CELF2: variants seen among roughly 807,000 people sequenced by gnomAD.
The protein encoded by CELF2 is CUG triplet repeat RNA-binding protein 2.
CELF2 carries 8 observed loss-of-function variants against 62.6 expected under a neutral mutation model. That is an observed-to-expected ratio of 0.13 (90% CI 0.07 to 0.23). The LOEUF (loss-of-function observed/expected upper bound fraction) is 0.23, where lower values mean the gene tolerates loss of function less well. CELF2 is among the 10% of genes least tolerant of loss of function. CELF2 has a pLI of 1.00. For missense variants in CELF2, 333 were observed against 671.0 expected, an observed-to-expected ratio of 0.50 and a Z score of 5.56; for synonymous variants, 258 against 250.0, an observed-to-expected ratio of 1.03 and a Z score of -0.30.
At chr10:10,826,162 T>C (rs1349872652) in intron 1 of CELF2, among the ~76,000 whole-genome samples, 1 of 152,096 alleles carries the variant, frequency 6.6e-6, no homozygotes, top group East Asian at 1.9e-4. Flanking sequence ...TAATAGTGAT[T>C]GGATGGGGCA....
the CELF2 span, among the ~76,000 whole-genome samples, chr10:10,511,226 AT>A: frequency 5.3e-5 from 8 of 152,276 alleles, no homozygotes; most frequent in African/African-American, 1.9e-4. Context: ...CCTGGCAAAA[AT>A]GGCAAAACTC....
intron 2 of CELF2, among the ~76,000 whole-genome samples, chr10:10,941,906 AT>A (rs1294811474): frequency 6.6e-6 from 1 of 151,458 alleles, no homozygotes; most frequent in Non-Finnish European, 1.5e-5. Flanking sequence ...GGGCAGAAGA[AT>A]TGATTGAACC....
chr10:11,153,374 A>G (rs2132775989), intron 1 of CELF2, among the ~76,000 whole-genome samples: 1 of 152,274 alleles, frequency 6.6e-6, no homozygotes, highest in South Asian at 2.1e-4. Flanking sequence ...TTTATCTTAT[A>G]ATTTTCTAGA....
At chr10:10,605,398 G>A in the CELF2 span, among the ~76,000 whole-genome samples, 1 of 152,156 alleles carries the variant, frequency 6.6e-6, no homozygotes, top group African/African-American at 2.4e-5. Context: ...TAACAAACCT[G>A]TACATCCTGC....
the CELF2 span, among the ~76,000 whole-genome samples, chr10:10,750,173 G>T: frequency 0.13 from 19,941 of 151,958 alleles, 1,540 homozygotes; most frequent in East Asian, 0.27. Flanking sequence ...TCCCAGCTAC[G>T]CAGGAGGCTG....
In CELF2 at chr10:11,008,554, A is replaced by G. The variant is rs968056258; in HGVS notation, c.53+3114A>G. The stretch of plus-strand genomic sequence containing the variant: ...ATTGTGCTAGAAGACCGAGGAAGTC[A>G]TTCAAAGAGTGAATCAATACTAATT... On this transcript the variant is annotated intron_variant, in intron 1 of 12. Coordinates refer to the CELF2 transcript ENST00000416382. This position sits in a 1 kb window ranked among gnomAD's most constrained non-coding sequence, Gnocchi z 4.5. Among the ~76,000 whole-genome samples, 1 of 152,244 alleles carries G rather than the reference A, an allele frequency of 6.6e-6. No homozygotes were observed. The highest frequency in any genetic ancestry group is 1.9e-4 in the East Asian group (1 of 5,202).
chr10:11,001,182 C>G (rs2054484221), upstream of CELF2, among the ~76,000 whole-genome samples: 1 of 152,310 alleles, frequency 6.6e-6, no homozygotes, highest in Non-Finnish European at 1.5e-5. Context: ...TTTCCATCTT[C>G]CAGAGCAATA....
chr10:10,874,299 C>T (rs1296387203), intron 1 of CELF2, among the ~76,000 whole-genome samples: 1 of 152,098 alleles, frequency 6.6e-6, no homozygotes, highest in African/African-American at 2.4e-5. Flanking sequence ...GCCTGAGTGA[C>T]TTGAGTAGTG....
At chr10:11,000,161 G>C (rs2054375448) in intron 2 of CELF2, among the ~76,000 whole-genome samples, 1 of 134,144 alleles carries the variant, frequency 7.5e-6, no homozygotes, top group Non-Finnish European at 1.7e-5. Flanking sequence ...GTTTTTGATT[G>C]TTTGTTTGTT....
At chr10:11,197,025 A>AAGGAAGG (rs1554936316) in intron 2 of CELF2, among the ~76,000 whole-genome samples, 1 of 26,124 alleles carries the variant, frequency 3.8e-5, no homozygotes, top group African/African-American at 1.8e-4. Flanking sequence ...AGAAAGAAAG[A>AAGGAAGG]AAAGAAAGAA....
At chr10:10,579,514 C>A in the CELF2 span, among the ~76,000 whole-genome samples, 2 of 151,890 alleles carry the variant, frequency 1.3e-5, no homozygotes, top group African/African-American at 2.4e-5. Flanking sequence ...GACCTTAGAC[C>A]CCCGGGCTGT....
At chr10:11,142,073 C>T (rs892229738) in intron 1 of CELF2, among the ~76,000 whole-genome samples, 3 of 152,180 alleles carry the variant, frequency 2.0e-5, no homozygotes, top group African/African-American at 7.2e-5. Flanking sequence ...ATACCTTAAC[C>T]AGGTAGCTGC....
At position 10,931,264 on chromosome 10, in the gene CELF2, A is replaced by G. The variant is rs1227609222; in HGVS notation, c.89+11265A>G. Among the ~76,000 whole-genome samples the G allele has an allele frequency of 1.3e-5, 2 of 152,218 alleles. No individual in the cohort carries two copies. The highest frequency in any genetic ancestry group is 4.8e-5 in the African/African-American group (2 of 41,444). On this transcript the variant is annotated intron_variant, in intron 2 of 13. Transcript: ENST00000636488. This position sits in a 1 kb window ranked among gnomAD's most constrained non-coding sequence, Gnocchi z 6.1. Reference sequence around the variant, plus strand: ...CAACATTAGACTCACAAAACACTATATAAAACCAAGCTGAGGCAGTGACAT... The same window carrying G: ...CAACATTAGACTCACAAAACACTATGTAAAACCAAGCTGAGGCAGTGACAT...
chr10:11,195,921 C>T lies in CELF2; in HGVS notation c.272-21504C>T, dbSNP rs556139016. On this transcript the variant is annotated intron_variant, in intron 2 of 12. Transcript: ENST00000633077. ...ACATGGCTTTTTGAGTGTCTTCATT[C>T]ACAGATGCAGTCACAAAATATTAAT... Among the ~76,000 whole-genome samples, 4 of 152,156 alleles carry T rather than the reference C, an allele frequency of 2.6e-5. No homozygotes were observed. In the East Asian group the frequency reaches 7.7e-4, roughly 29 times the overall value.
the CELF2 span, among the ~76,000 whole-genome samples, chr10:10,608,033 C>T: frequency 2.0e-5 from 3 of 152,130 alleles, no homozygotes; most frequent in Non-Finnish European, 4.4e-5. Context: ...GAGGCTAAGG[C>T]AGGTGAATCA....
Position 11,170,030 on chromosome 10 carries a change from G to T in CELF2, c.271+4348G>T, listed in dbSNP as rs76631911. Among the ~76,000 whole-genome samples the T allele has an allele frequency of 4.2e-3, 635 of 152,288 alleles. 5 individuals are homozygous for T. Among genetic ancestry groups the T allele is most frequent in the Middle Eastern group, 6.8e-3 (2 of 294 alleles). Reference sequence around the variant, plus strand: ...AAGAGTATTTCAGAAGAAGGATAGAGGTTGTGGGGAAAGGAAATGCATGGA... The same window carrying T: ...AAGAGTATTTCAGAAGAAGGATAGATGTTGTGGGGAAAGGAAATGCATGGA... On this transcript the variant is annotated intron_variant, in intron 2 of 12. Transcript: ENST00000633077.
chr10:10,755,573 A>G, the CELF2 span, among the ~76,000 whole-genome samples: 1 of 152,168 alleles, frequency 6.6e-6, no homozygotes, highest in Non-Finnish European at 1.5e-5. Context: ...GCTCTACGAC[A>G]GGTGCACAGG....
the CELF2 span, among the ~76,000 whole-genome samples, chr10:10,480,357 A>G: frequency 6.6e-6 from 1 of 152,150 alleles, no homozygotes; most frequent in Non-Finnish European, 1.5e-5. Flanking sequence ...TTTATTTGAG[A>G]GTCAGCTCCC....
At chr10:10,566,040 C>A in the CELF2 span, among the ~76,000 whole-genome samples, 1 of 152,190 alleles carries the variant, frequency 6.6e-6, no homozygotes, top group African/African-American at 2.4e-5. Flanking sequence ...ACATGGAACT[C>A]TATCCCAACC....
Sources: gnomAD v4.1 joint callset for allele counts (sites outside exome capture counted in the v4.1 genomes callset) on GRCh38, gnomAD v4.1.1 for gene constraint, Gnocchi (gnomAD v3.1) non-coding constraint, MANE v1.5 for transcripts, NCBI Gene and HGNC (gene_info 2026-07-23, HGNC 2026-07-21) for gene names.